MDC1: variants seen among roughly 807,000 people sequenced by gnomAD.
The protein encoded by MDC1 is mediator of DNA damage checkpoint 1.
MDC1 carries 81 observed loss-of-function variants against 142.5 expected under a neutral mutation model. That is an observed-to-expected ratio of 0.57 (90% confidence interval 0.47 to 0.68). MDC1 has a LOEUF of 0.68. MDC1 is among the 30% of genes least tolerant of loss of function. The pLI, the probability that MDC1 is intolerant of heterozygous loss-of-function variation, is 0.00. For missense variants in MDC1, 2,119 were observed against 2,547.9 expected (o/e 0.83, Z 3.62); for synonymous variants, 797 against 968.4 (o/e 0.82, Z 3.29).
chr6:30,702,369 G>C (rs1364889573), intron 14 of MDC1, among the ~76,000 whole-genome samples, 184 bp downstream of exon 14: 1 of 150,850 alleles, frequency 6.6e-6, no homozygotes, highest in African/African-American at 2.4e-5. Context: ...TGTTATATGG[G>C]GGTATCAGCA....
intron 14 of MDC1, among the ~76,000 whole-genome samples, chr6:30,701,273 CG>C (rs1292231076): frequency 6.8e-6 from 1 of 147,606 alleles, no homozygotes; most frequent in Non-Finnish European, 1.5e-5. Flanking sequence ...TGGTGGTGTG[CG>C]CCTGTAGTCC....
Position 30,702,833 on chromosome 6 carries a change from C to T in MDC1, c.5910G>A (p.Val1970=). 6.2e-7 allele frequency: 1 copy of T among 1,613,150 alleles called. No homozygotes were observed. Among genetic ancestry groups the T allele is most frequent in the Non-Finnish European group, 8.5e-7 (1 of 1,180,046 alleles). The change falls in exon 13 of 15, where the codon GTG becomes GTA. Residue 1970 remains valine (V), a synonymous_variant. Coordinates refer to ENST00000376406, the MANE Select transcript of MDC1 (RefSeq NM_014641.3). ...GFFLPPDEYV[V]TDPEQEKNFG... The stretch of plus-strand genomic sequence containing the variant: ...AGTTCTTCTCTTGCTCAGGGTCGGT[C>T]ACCACATATTCATCCGGGGGTAAGA...
Position 30,704,563 on chromosome 6 carries a change from G to T in MDC1, c.4620C>A (p.Ser1540=). Residue 1540 remains serine, a synonymous_variant, in exon 10 of 15, where the codon TCC becomes TCA. Coordinates refer to ENST00000376406, the MANE Select transcript of MDC1 (RefSeq NM_014641.3). ...VVPAAPELQP[S]TSTDQPVTPE... is the part of the protein sequence containing the mutation. ...GGGTGACAGGTTGGTCTGTGGAGGT[G>T]GAAGGCTGGAGCTCAGGGGCTGCGG... is the stretch of plus-strand genomic sequence containing the variant. 6.2e-7 allele frequency: 1 copy of T among 1,608,294 alleles called. No individual in the cohort carries two copies. The highest frequency in any genetic ancestry group is 1.1e-5 in the South Asian group (1 of 90,658).
rs753034041 is a variant in MDC1, at chr6:30,703,979, G to A, written c.5204C>T (p.Ala1735Val). 6.2e-7 allele frequency: 1 copy of A among 1,614,198 alleles called. No homozygotes were observed. The highest frequency in any genetic ancestry group is 1.1e-5 in the South Asian group (1 of 91,086). The stretch of plus-strand genomic sequence containing the variant: ...AGAGCAAGGCTTATGGTCAATGGGA[G>A]CTGCGAGGGAGCCAGGGTTCCCAGC... ...RAAGNPGSLA[A>V]PIDHKPCSAP... The change falls in exon 10 of 15, where the codon GCT becomes GTT. Residue 1735 changes from alanine to valine, a missense_variant. Ala to Val is a moderately conservative substitution (Grantham distance 64). Coordinates refer to ENST00000376406, the MANE Select transcript of MDC1 (RefSeq NM_014641.3). This position sits in a 1 kb window ranked among gnomAD's most constrained non-coding sequence, Gnocchi z 4.4.
At chr6:30,711,810 C>T in intron 5 of MDC1, 64 bp downstream of exon 5, 1 of 1,564,346 alleles carries the variant, frequency 6.4e-7, no homozygotes, top group Non-Finnish European at 8.7e-7. Context: ...CCTTTCTCTC[C>T]CCAACCCCAG....
rs199905318 is a variant in MDC1, at chr6:30,705,854, C to T, written c.3329G>A (p.Arg1110Gln). 15 of 1,610,628 alleles carry T rather than the reference C, an allele frequency of 9.3e-6. No individual in the cohort carries two copies. Among genetic ancestry groups the T allele is most frequent in the South Asian group, 5.5e-5 (5 of 90,714 alleles). Residue 1110 changes from arginine to glutamine, a missense_variant, in exon 10 of 15, where the codon CGG becomes CAG. Physicochemically the swap from Arg to Gln is conservative, Grantham distance 43. Transcript: ENST00000376406. ...PFHPKPKIRT[R>Q]KSSRMTPFPA... ...AAAGGGTGTCATTCTGGAGGACTTC[C>T]GAGTTCTAATTTTAGGCTTTGGGTG...
At position 30,705,826 on chromosome 6, in the gene MDC1, T is replaced by C; in HGVS notation, c.3357A>G (p.Pro1119=). ...TRKSSRMTPF[P]ATSAAPEPHP... ...GGGGCTCAGGGGCAGCAGAGGTAGCTGGAAAGGGTGTCATTCTGGAGGACT... is the reference window on the plus strand; with the variant it reads ...GGGGCTCAGGGGCAGCAGAGGTAGCCGGAAAGGGTGTCATTCTGGAGGACT... Residue 1119 remains proline, a synonymous_variant, in exon 10 of 15, where the codon CCA becomes CCG. Transcript: ENST00000376406. The C allele has an allele frequency of 1.2e-6, 2 of 1,612,110 alleles. No individual in the cohort carries two copies. The highest frequency in any genetic ancestry group is 1.7e-6 in the Non-Finnish European group (2 of 1,178,984).
intron 9 of MDC1, among the ~76,000 whole-genome samples, chr6:30,706,659 G>A (rs1163821526): frequency 7.5e-6 from 1 of 133,090 alleles, no homozygotes; most frequent in African/African-American, 2.8e-5. Context: ...AGCTAGGTGT[G>A]TTGGCAGGCG....
Position 30,713,541 on chromosome 6 carries a change from T to C in MDC1, c.587+107A>G. ...AGCTGAGTGAATGAATATGTATGGTTCCCCAGCCCCAACTCTCATGATAAT... is the reference window on the plus strand; with the variant it reads ...AGCTGAGTGAATGAATATGTATGGTCCCCCAGCCCCAACTCTCATGATAAT... On this transcript the variant is annotated intron_variant, in intron 4 of 14. Transcript: ENST00000376406. The surrounding 1 kb of genome is among the most constrained non-coding windows in gnomAD (Gnocchi z 4.9). 7.6e-7 allele frequency: 1 copy of C among 1,313,578 alleles called. No individual in the cohort carries two copies. The highest frequency in any genetic ancestry group is 1.0e-6 in the Non-Finnish European group (1 of 955,408). 81.4% of individuals were successfully genotyped at this position (1,313,578 alleles called of 1,614,324 possible).
rs1774949491 is a variant in MDC1, at chr6:30,711,814, A to G, written c.2068+60T>C. 5 of 1,560,766 alleles carry G rather than the reference A, an allele frequency of 3.2e-6. No homozygotes were observed. In the East Asian group the frequency reaches 1.1e-4, roughly 35 times the overall value. The stretch of plus-strand genomic sequence containing the variant: ...AATAATCTCTACCTTTCTCTCCCCA[A>G]CCCCAGCTGTTAGAACCCTGGTTGA... On this transcript the variant is annotated intron_variant, in intron 5 of 14. Transcript: ENST00000376406.
In MDC1 at chr6:30,714,109, T is replaced by C. The variant is rs1775318173; in HGVS notation, c.211A>G (p.Ile71Val). The change falls in exon 3 of 15, where the codon ATC becomes GTC. Residue 71 changes from isoleucine to valine, a missense_variant. Transcript: ENST00000376406. ...DCSVALPFPSISKQHAEIEIL... is the reference protein window; with the variant it reads ...DCSVALPFPSVSKQHAEIEIL... ...TCAATCTCTGCATGTTGTTTGGAGA[T>C]AGATGGAAAGGGCAGGGCCACAGAG... 6.2e-7 allele frequency: 1 copy of C among 1,612,530 alleles called. No homozygotes were observed. The highest frequency in any genetic ancestry group is 8.5e-7 in the Non-Finnish European group (1 of 1,179,988).
rs767874747 is a variant in MDC1 at position 30,715,121 on chromosome 6, G to A, written c.55C>T (p.Gln19Ter). The change falls in exon 2 of 15, where the codon CAA (glutamine) becomes TAA (stop). Residue 19 changes from glutamine (Q) to a stop codon, truncating the protein, a stop_gained. Coordinates refer to ENST00000376406, the MANE Select transcript of MDC1 (RefSeq NM_014641.3). LOFTEE classifies it high-confidence loss of function. The surrounding 1 kb of genome is among the most constrained non-coding windows in gnomAD (Gnocchi z 4.1). ...WDVEEEEETE[Q>*]SSESLRCNVE... ...TTACACCTCAAGGATTCACTGGATTGCTCTGTCTCCTCCTCTTCTTCAACA... is the reference window on the plus strand; with the variant it reads ...TTACACCTCAAGGATTCACTGGATTACTCTGTCTCCTCCTCTTCTTCAACA... 1 of 1,614,140 alleles carries A rather than the reference G, an allele frequency of 6.2e-7. No homozygotes were observed. The highest frequency in any genetic ancestry group is 1.3e-5 in the African/African-American group (1 of 75,022).
rs758641247 is a variant in MDC1 at position 30,704,529 on chromosome 6, T to C, written c.4654A>G (p.Thr1552Ala). ...GTCCTGCCCCTAGTGGCCCGAGATG[T>C]GGGCTCAGGGGTGACAGGTTGGTCT... ...STDQPVTPEP[T>A]SRATRGRTNR... is the part of the protein sequence containing the mutation. The change falls in exon 10 of 15, where the codon ACA (threonine) becomes GCA (alanine). Residue 1552 changes from threonine (T) to alanine (A), a missense_variant. By Grantham distance (58) the Thr-to-Ala change is moderately conservative (BLOSUM62 0). Coordinates refer to ENST00000376406, the MANE Select transcript of MDC1 (RefSeq NM_014641.3). 1 of 1,610,514 alleles carries C rather than the reference T, an allele frequency of 6.2e-7. No homozygotes were observed. Among genetic ancestry groups the C allele is most frequent in the South Asian group, 1.1e-5 (1 of 90,802 alleles).
Position 30,704,149 on chromosome 6 carries a change from A to C in MDC1, c.5034T>G (p.Gly1678=), listed in dbSNP as rs756223996. 1.2e-6 allele frequency: 2 copies of C among 1,613,604 alleles called. No individual in the cohort carries two copies. Among genetic ancestry groups the C allele is most frequent in the Non-Finnish European group, 1.7e-6 (2 of 1,179,712 alleles). The change falls in exon 10 of 15, where the codon GGT becomes GGG. Residue 1678 remains glycine (G), a synonymous_variant. Transcript: ENST00000376406. The part of the protein sequence containing the change: ...QSVTPEAIAQ[G]GQSKTLRSST... The stretch of plus-strand genomic sequence containing the variant: ...AAGACCTCAGTGTTTTGCTCTGACC[A>C]CCCTGAGCTATGGCCTCAGGGGTGA...
In MDC1 at chr6:30,713,139, C is replaced by T. The variant is rs9262152; in HGVS notation, c.803G>A (p.Arg268Lys). ...CCTCTTGACTTTTGTATCATTGTCC[C>T]TCTCCTTCACTAAAGGCTGATCCTT... Reference protein sequence around the residue: ...LEKDQPLVKERDNDTKVKRGA... With the variant: ...LEKDQPLVKEKDNDTKVKRGA... The change falls in exon 5 of 15, where the codon AGG becomes AAG. Residue 268 changes from arginine (R) to lysine (K), a missense_variant. Physicochemically the swap from Arg to Lys is conservative, Grantham distance 26 (BLOSUM62 2). Coordinates refer to ENST00000376406, the MANE Select transcript of MDC1 (RefSeq NM_014641.3). This position sits in a 1 kb window ranked among gnomAD's most constrained non-coding sequence, Gnocchi z 4.9. 233,797 of 1,612,712 alleles carry T rather than the reference C, an allele frequency of 0.14. 18,416 individuals are homozygous for T. Among genetic ancestry groups the T allele is most frequent in the South Asian group, 0.2 (18,215 of 91,072 alleles).
At position 30,707,622 on chromosome 6, in the gene MDC1, G is replaced by A. The variant is rs1185774203; in HGVS notation, c.2957C>T (p.Ser986Phe). The A allele has an allele frequency of 1.2e-6, 2 of 1,612,912 alleles. No individual in the cohort carries two copies. The highest frequency in any genetic ancestry group is 2.2e-5 in the South Asian group (2 of 91,082). ...LPGPTSAPVP[S>F]GSQSGGRGSP... is the part of the protein sequence containing the mutation. ...TCCCCTTCCACCTGACTGGCTCCCA[G>A]AAGGTACGGGGGCTGAGGTAGGTCC... The change falls in exon 8 of 15, where the codon TCT (serine) becomes TTT (phenylalanine). Residue 986 changes from serine (S) to phenylalanine (F), a missense_variant. Ser to Phe is a radical substitution (Grantham distance 155). Transcript: ENST00000376406.
At chr6:30,711,020 C>T (rs1377215527) in intron 7 of MDC1, among the ~76,000 whole-genome samples, 2 of 152,190 alleles carry the variant, frequency 1.3e-5, no homozygotes, top group African/African-American at 4.8e-5. Context: ...GACGCAAACT[C>T]GCATACACAG....
intron 9 of MDC1, among the ~76,000 whole-genome samples, chr6:30,706,878 T>C (rs9295909): frequency 0.049 from 7,365 of 151,336 alleles, 353 homozygotes; most frequent in African/African-American, 0.12. Context: ...GGCAGGAAAA[T>C]TGTTTGAACC....
rs759675873 is a variant in MDC1 at position 30,712,863 on chromosome 6, C to A, written c.1079G>T (p.Gly360Val). ...ATGGGCCAGGCCTGGTGCTCCAGGA[C>A]CCCTTGTACCTACTCCATGGAAGAT... is the stretch of plus-strand genomic sequence containing the variant. ...RKIFHGVGTR[G>V]PGAPGLAHLQ... Residue 360 changes from glycine (G) to valine (V), a missense_variant, in exon 5 of 15, where the codon GGT becomes GTT. By Grantham distance (109) the Gly-to-Val change is moderately radical. Transcript: ENST00000376406. This position sits in a 1 kb window ranked among gnomAD's most constrained non-coding sequence, Gnocchi z 4.7. The A allele has an allele frequency of 6.2e-7, 1 of 1,613,054 alleles. No homozygotes were observed. Among genetic ancestry groups the A allele is most frequent in the South Asian group, 1.1e-5 (1 of 91,084 alleles).
Sources: allele counts gnomAD v4.1 joint callset (sites outside exome capture counted in the v4.1 genomes callset), GRCh38; gene constraint gnomAD v4.1.1; non-coding constraint Gnocchi (gnomAD v3.1); transcripts MANE v1.5; gene names NCBI Gene and HGNC (gene_info 2026-07-23, HGNC 2026-07-21).